The following ELMOD3 variants were observed in gnomAD, a reference collection of about 807,000 sequenced individuals.
ELMOD3 encodes the protein ELMO domain containing 3.
Under a neutral mutation model 47.4 loss-of-function variants are expected in ELMOD3, and 36 were observed. The ratio of observed to expected loss-of-function variants is 0.76; its 90% CI spans 0.58 to 1.00. The LOEUF is 1.00. Ranked by LOEUF, ELMOD3 falls within the 50% of genes least tolerant of loss-of-function variation. ELMOD3 has a pLI of 0.00. For synonymous variants in ELMOD3, 149 were observed against 183.5 expected (o/e 0.81, Z 1.52); for missense variants, 404 against 463.8 (o/e 0.87, Z 1.18).
intron 6 of ELMOD3, chr2:85,367,699 A>T (rs1316455329): frequency 1.3e-5 from 2 of 152,318 alleles, no homozygotes; most frequent in East Asian, 3.9e-4. Context: ...AAAACAAAAA[A>T]TTTAAAAACA....
Position 85,371,136 on chromosome 2 carries a change from C to T in ELMOD3, c.411C>T (p.His137=). Residue 137 remains histidine (H), a synonymous_variant, in exon 9 of 14, where the codon CAC becomes CAT. Coordinates refer to ENST00000409013, the MANE Select transcript of ELMOD3 (RefSeq NM_001135022.2). ...GGACTGGGCTCGCCGCCCTCCGACACTACCTCTTCGGGCCTCCAAAGCTCC... is the reference window on the plus strand; with the variant it reads ...GGACTGGGCTCGCCGCCCTCCGACATTACCTCTTCGGGCCTCCAAAGCTCC... ...IRRTGLAALR[H]YLFGPPKLHQ... is the part of the protein sequence containing the mutation. 6.2e-7 allele frequency: 1 copy of T among 1,614,218 alleles called. No homozygotes were observed. The highest frequency in any genetic ancestry group is 1.1e-5 in the South Asian group (1 of 91,086).
chr2:85,363,288 C>T, intron 6 of ELMOD3, 122 bp downstream of exon 6: 7 of 645,752 alleles, frequency 1.1e-5, no homozygotes, highest in Non-Finnish European at 2.0e-5. Context: ...GTAGATGTAT[C>T]AGTCCTTGGG....
rs537956634 is a variant in ELMOD3, at chr2:85,373,587, T to C, written c.607+2025T>C. Among the ~76,000 whole-genome samples the C allele has an allele frequency of 5.9e-4, 90 of 152,242 alleles. 1 individual carries two copies. Among genetic ancestry groups the C allele is most frequent in the African/African-American group, 2.0e-3 (85 of 41,522 alleles). On this transcript the variant is annotated intron_variant, in intron 10 of 13. Coordinates refer to ENST00000409013, the MANE Select transcript of ELMOD3 (RefSeq NM_001135022.2). ...CAGGCACGGTGGCTCACACCTGTAA[T>C]CCCAGCACCTTGGGAGGCCACGGCG... is the stretch of plus-strand genomic sequence containing the variant.
chr2:85,371,499 C>G lies in ELMOD3; in HGVS notation c.544C>G (p.Leu182Val). The change falls in exon 10 of 14, where the codon CTG becomes GTG. Residue 182 changes from leucine to valine, a missense_variant. By Grantham distance (32) the Leu-to-Val change is conservative (BLOSUM62 1). Transcript: ENST00000409013. ...AGTCCTCCAGACCATCTATAAGAAG[C>G]TGACCGGCTCCAAGTTTGACTGTGC... is the stretch of plus-strand genomic sequence containing the variant. ...GRVLQTIYKK[L>V]TGSKFDCALH... The G allele has an allele frequency of 2.5e-6, 4 of 1,614,246 alleles. No homozygotes were observed. Among genetic ancestry groups the G allele is most frequent in the Non-Finnish European group, 3.4e-6 (4 of 1,180,050 alleles).
In ELMOD3 at chr2:85,376,638, A is replaced by G. The variant is rs1013187549; in HGVS notation, c.608-706A>G. Among the ~76,000 whole-genome samples the G allele has an allele frequency of 6.6e-6, 1 of 152,108 alleles. No homozygotes were observed. The highest frequency in any genetic ancestry group is 2.4e-5 in the African/African-American group (1 of 41,434). On this transcript the variant is annotated intron_variant, in intron 10 of 13. Transcript: ENST00000409013. This position sits in a 1 kb window ranked among gnomAD's most constrained non-coding sequence, Gnocchi z 4.2. ...TACAGTTAGGCCAGGATGGAAGTCTAGGGTCCCTGCTCAGCCTTTTCTGGA... is the reference window on the plus strand; with the variant it reads ...TACAGTTAGGCCAGGATGGAAGTCTGGGGTCCCTGCTCAGCCTTTTCTGGA...
At chr2:85,379,271 G>A (rs926816210) in intron 11 of ELMOD3, among the ~76,000 whole-genome samples, 8 of 152,172 alleles carry the variant, frequency 5.3e-5, no homozygotes, top group South Asian at 2.1e-4. Context: ...GTGCAGTGGC[G>A]CGATAGCACA....
At chr2:85,371,277 C>A (rs758356930) in intron 9 of ELMOD3, 68 bp downstream of exon 9, 1 of 1,612,582 alleles carries the variant, frequency 6.2e-7, no homozygotes, top group South Asian at 1.1e-5. Context: ...GTGTGCTGAC[C>A]CTGTGAGGCT....
In ELMOD3 at chr2:85,371,528, T is replaced by C. The variant is rs1302279937; in HGVS notation, c.573T>C (p.Leu191=). 5.0e-6 allele frequency: 8 copies of C among 1,614,070 alleles called. No individual in the cohort carries two copies. The highest frequency in any genetic ancestry group is 6.8e-6 in the Non-Finnish European group (8 of 1,180,046). The change falls in exon 10 of 14, where the codon CTT becomes CTC. Residue 191 remains leucine (L), a synonymous_variant. Coordinates refer to ENST00000409013, the MANE Select transcript of ELMOD3 (RefSeq NM_001135022.2). ...CCGGCTCCAAGTTTGACTGTGCCCT[T>C]CATGGAAACCACTGGGAGGACCTGG... ...KLTGSKFDCA[L]HGNHWEDLGF...
At chr2:85,389,084 C>T (rs930627377) in intron 11 of ELMOD3, among the ~76,000 whole-genome samples, 3 of 152,216 alleles carry the variant, frequency 2.0e-5, no homozygotes, top group African/African-American at 7.2e-5. Context: ...CCTGACTAAA[C>T]ATAGAGCATT....
intron 11 of ELMOD3, among the ~76,000 whole-genome samples, chr2:85,379,709 TAGCC>T (rs1410230049): frequency 1.3e-5 from 2 of 152,278 alleles, no homozygotes; most frequent in African/African-American, 4.8e-5. Context: ...TTATAATACT[TAGCC>T]AGATTATTTG....
At chr2:85,358,650 A>G (rs765903944) in intron 4 of ELMOD3, among the ~76,000 whole-genome samples, 4 of 152,152 alleles carry the variant, frequency 2.6e-5, no homozygotes, top group Non-Finnish European at 4.4e-5. Context: ...GAACATGAAG[A>G]AATGAAAGTT....
intron 4 of ELMOD3, 193 bp downstream of exon 4, chr2:85,357,445 T>C (rs1683642904): frequency 2.4e-6 from 1 of 420,670 alleles, no homozygotes; most frequent in Non-Finnish European, 4.2e-6. Context: ...GTAAGTGAGT[T>C]ATGAGATTTT....
At chr2:85,374,637 T>C (rs1685038891) in intron 10 of ELMOD3, among the ~76,000 whole-genome samples, 1 of 151,302 alleles carries the variant, frequency 6.6e-6, no homozygotes, top group Non-Finnish European at 1.5e-5. Context: ...CCACCATGCC[T>C]GGCCAAAAAA....
rs547974436 is a variant in ELMOD3 at position 85,385,903 on chromosome 2, G to A, written c.739-3848G>A. On this transcript the variant is annotated intron_variant, in intron 11 of 13. Coordinates refer to ENST00000409013, the MANE Select transcript of ELMOD3 (RefSeq NM_001135022.2). Reference sequence around the variant, plus strand: ...TTCCAGCAGAGGAATGTGTGGGTAAGAGAGTCACAATGTTTCTGAACAAAG... The same window carrying A: ...TTCCAGCAGAGGAATGTGTGGGTAAAAGAGTCACAATGTTTCTGAACAAAG... Among the ~76,000 whole-genome samples, 634 of 152,304 alleles carry A rather than the reference G, an allele frequency of 4.2e-3. 1 individual carries two copies. The highest frequency in any genetic ancestry group is 7.5e-3 in the Non-Finnish European group (510 of 68,030).
intron 11 of ELMOD3, among the ~76,000 whole-genome samples, chr2:85,379,236 G>T (rs1015573180): frequency 6.6e-5 from 10 of 152,210 alleles, no homozygotes; most frequent in African/African-American, 2.4e-4. Context: ...ACGGAGTCTC[G>T]CTGTGTCCTG....
At position 85,362,186 on chromosome 2, in the gene ELMOD3, G is replaced by C; in HGVS notation, c.55G>C (p.Gly19Arg). 6.4e-7 allele frequency: 1 copy of C among 1,573,846 alleles called. No individual in the cohort carries two copies. The highest frequency in any genetic ancestry group is 8.7e-7 in the Non-Finnish European group (1 of 1,143,260). ...HSKEELRDGQ[G>R]ERLSAGYSPS... ...AGATTGACCCTTGTCTGTTTTACAG[G>C]GTGAAAGATTGTCTGCTGGATATTC... The change falls in exon 5 of 14, where the codon GGT becomes CGT. Residue 19 changes from glycine (G) to arginine (R), a missense_variant and splice_region_variant. By Grantham distance (125) the Gly-to-Arg change is moderately radical. Coordinates refer to ENST00000409013, the MANE Select transcript of ELMOD3 (RefSeq NM_001135022.2).
Position 85,357,144 on chromosome 2 carries a change from T to G in ELMOD3, c.-55T>G. 7.4e-7 allele frequency: 1 copy of G among 1,343,622 alleles called. No homozygotes were observed. The highest frequency in any genetic ancestry group is 1.1e-6 in the Non-Finnish European group (1 of 951,116). 83.2% of individuals were successfully genotyped at this position (1,343,622 alleles called of 1,614,324 possible). A position where few individuals can be genotyped will look rare whatever the true frequency, so the allele number is the denominator to read the frequency against. ...CATAGCTTCTGATCTCAGACCTTAC[T>G]AAAATGCTTTCTGGGCCCAAGGACA... On this transcript the variant is annotated 5_prime_UTR_variant, in exon 4 of 14. Coordinates refer to ENST00000409013, the MANE Select transcript of ELMOD3 (RefSeq NM_001135022.2).
At chr2:85,363,819 T>C in intron 6 of ELMOD3, among the ~76,000 whole-genome samples, 1 of 152,212 alleles carries the variant, frequency 6.6e-6, no homozygotes, top group African/African-American at 2.4e-5. Flanking sequence ...ACTTATTCAC[T>C]ATTATGAGAA....
At chr2:85,372,504 T>C (rs1684866481) in intron 10 of ELMOD3, 1 of 152,222 alleles carries the variant, frequency 6.6e-6, no homozygotes, top group Admixed American at 6.5e-5. Context: ...CTCTAAAAAA[T>C]ATTTATGAAA....
Sources: gnomAD v4.1 joint callset for allele counts (sites outside exome capture counted in the v4.1 genomes callset) on GRCh38, gnomAD v4.1.1 for gene constraint, Gnocchi (gnomAD v3.1) non-coding constraint, MANE v1.5 for transcripts, NCBI Gene and HGNC (gene_info 2026-07-23, HGNC 2026-07-21) for gene names.